MAGEA11: variants seen among roughly 807,000 people sequenced by gnomAD.
The protein encoded by MAGEA11 is melanoma-associated antigen 11.
Under a neutral mutation model 8.4 loss-of-function variants are expected in MAGEA11, and 1 was observed. The observed-to-expected ratio is 0.12, with a 90% CI of 0.04 to 0.57. MAGEA11 has a LOEUF of 0.57. Ranked by LOEUF, MAGEA11 falls within the 20% of genes least tolerant of loss-of-function variation. The pLI, the probability that MAGEA11 is intolerant of heterozygous loss-of-function variation, is 0.91. For missense variants in MAGEA11, 209 were observed against 317.3 expected (o/e 0.66, Z 2.59); for synonymous variants, 127 against 119.3 (o/e 1.06, Z -0.42).
At chrX:149,697,515 G>C (rs191610067) in intron 1 of MAGEA11, among the ~76,000 whole-genome samples, 1 of 110,598 alleles carries the variant, frequency 9.0e-6, no homozygotes, top group Non-Finnish European at 1.9e-5. Flanking sequence ...GCTGATGGAC[G>C]TCCTGCAGTC....
rs1318390923 is a variant in MAGEA11, at chrX:149,713,296, G to C, written c.96+41G>C. Reference sequence around the variant, plus strand: ...GGCCCTTGGAGTTCCAAGGCACGGTGGCCACATGTGGTGCATCCTCACTCT... The same window carrying C: ...GGCCCTTGGAGTTCCAAGGCACGGTCGCCACATGTGGTGCATCCTCACTCT... On this transcript the variant is annotated intron_variant, in intron 2 of 4. Transcript: ENST00000355220. 4.5e-6 allele frequency: 4 copies of C among 879,216 alleles called. No homozygotes were observed. In the Admixed American group the frequency reaches 7.8e-5, roughly 17 times the overall value. 72.5% of individuals were successfully genotyped at this position (879,216 alleles called of 1,213,427 possible).
intron 2 of MAGEA11, 68 bp downstream of exon 2, chrX:149,713,323 C>G (rs2090411609): frequency 5.7e-6 from 4 of 703,231 alleles, no homozygotes; most frequent in Non-Finnish European, 8.6e-6. Context: ...CCTCACTCTG[C>G]CTTTGGGGTG....
Position 149,716,259 on chromosome X carries a change from A to T in MAGEA11, c.773A>T (p.Asp258Val). 1 of 1,211,661 alleles carries T rather than the reference A, an allele frequency of 8.3e-7. No individual in the cohort carries two copies. The change falls in exon 5 of 5, where the codon GAC (aspartate) becomes GTC (valine). Residue 258 changes from aspartate to valine, a missense_variant. Asp to Val is a radical substitution (Grantham distance 152, BLOSUM62 -3). Coordinates refer to ENST00000355220, the MANE Select transcript of MAGEA11 (RefSeq NM_005366.5). ...GGGAGTGTCATCAAAAATTATGAGG[A>T]CTACTTTCCTGAGATATTTAGGGAA... ...MLGSVIKNYE[D>V]YFPEIFREAS...
chrX:149,716,396 T>C lies in MAGEA11; in HGVS notation c.910T>C (p.Cys304Arg), dbSNP rs1569561425. 1 of 1,211,530 alleles carries C rather than the reference T, an allele frequency of 8.3e-7. No individual in the cohort carries two copies. ...CAACCTCTCTTATGATGGCATACAG[T>C]GTAATGAGCAGAGCATGCCCAAGTC... The part of the protein sequence containing the change: ...SLNLSYDGIQ[C>R]NEQSMPKSGL... Residue 304 changes from cysteine (C) to arginine (R), a missense_variant, in exon 5 of 5, where the codon TGT becomes CGT. Coordinates refer to ENST00000355220, the MANE Select transcript of MAGEA11 (RefSeq NM_005366.5).
At chrX:149,688,657 C>T (rs947326398), upstream of MAGEA11, among the ~76,000 whole-genome samples, 85 of 98,824 alleles carry the variant, frequency 8.6e-4, no homozygotes, top group African/African-American at 3.1e-3. Flanking sequence ...TACATATACA[C>T]ATACATATAC....
intron 1 of MAGEA11, among the ~76,000 whole-genome samples, chrX:149,702,195 T>A (rs1255263690): frequency 8.9e-6 from 1 of 111,796 alleles, no homozygotes; most frequent in Non-Finnish European, 1.9e-5. Context: ...GTCTGGCTGG[T>A]TTATATTGTT....
At chrX:149,706,452 T>A (rs782473921) in intron 1 of MAGEA11, among the ~76,000 whole-genome samples, 2 of 112,045 alleles carry the variant, frequency 1.8e-5, no homozygotes, top group Non-Finnish European at 3.8e-5. Context: ...GTTTAATTAA[T>A]GTGTGGGCAT....
chrX:149,702,734 A>C (rs1557361123), intron 1 of MAGEA11, among the ~76,000 whole-genome samples: 8 of 111,257 alleles, frequency 7.2e-5, no homozygotes, highest in Admixed American at 6.7e-4. Context: ...TTTATATTAC[A>C]TATGTATTTT....
intron 1 of MAGEA11, among the ~76,000 whole-genome samples, chrX:149,705,363 C>T (rs1479074476): frequency 2.7e-5 from 3 of 111,761 alleles, no homozygotes; most frequent in African/African-American, 9.7e-5. Context: ...ATGAGAGTTG[C>T]CCTGCACAAG....
At chrX:149,713,114 G>A (rs371800864) in intron 1 of MAGEA11, 29 bp from the exon 2 acceptor site, 53 of 1,019,731 alleles carry the variant, frequency 5.2e-5, no homozygotes, top group Middle Eastern at 5.0e-4. Context: ...TAGTCCCGCC[G>A]TCTCAAACTG....
At chrX:149,696,820 C>T (rs782219927) in intron 1 of MAGEA11, among the ~76,000 whole-genome samples, 2 of 112,006 alleles carry the variant, frequency 1.8e-5, no homozygotes, top group East Asian at 5.6e-4. Context: ...TGGCTTCTGG[C>T]CCTAGCATTT....
At chrX:149,688,657 C>CAT (rs2090296800), upstream of MAGEA11, among the ~76,000 whole-genome samples, 96 of 98,824 alleles carry the variant, frequency 9.7e-4, no homozygotes, top group African/African-American at 3.4e-3. Flanking sequence ...TACATATACA[C>CAT]ATACATATAC....
At chrX:149,709,285 GA>G (rs782440028), upstream of MAGEA11, among the ~76,000 whole-genome samples, 4,683 of 79,302 alleles carry the variant, frequency 0.059, 349 homozygotes, top group Admixed American at 0.28. Flanking sequence ...ACTCTGTCTC[GA>G]AAAAAAAAAA....
At chrX:149,690,116 T>G (rs1395081813) in intron 1 of MAGEA11, among the ~76,000 whole-genome samples, 1 of 112,212 alleles carries the variant, frequency 8.9e-6, no homozygotes, top group Non-Finnish European at 1.9e-5. Context: ...TTCCTTCTTT[T>G]GAGAGTGTTC....
intron 1 of MAGEA11, among the ~76,000 whole-genome samples, chrX:149,696,366 C>T (rs1435050245): frequency 1.8e-5 from 2 of 109,664 alleles, no homozygotes; most frequent in Admixed American, 9.7e-5. Context: ...TGAAGCCCTG[C>T]CACATTAGGC....
chrX:149,713,260 G>T lies in MAGEA11; in HGVS notation c.96+5G>T, dbSNP rs782402135. 2.6e-6 allele frequency: 3 copies of T among 1,143,249 alleles called. No individual in the cohort carries two copies. The highest frequency in any genetic ancestry group is 3.8e-5 in the South Asian group (2 of 52,961). 94.2% of individuals were successfully genotyped at this position (1,143,249 alleles called of 1,213,427 possible). A position where few individuals can be genotyped will look rare whatever the true frequency, so the allele number is the denominator to read the frequency against. On this transcript the variant is annotated splice_donor_5th_base_variant and intron_variant, in intron 2 of 4. Coordinates refer to ENST00000355220, the MANE Select transcript of MAGEA11 (RefSeq NM_005366.5). ...TCAGGAGACTTTGGACTCCAGGTCA[G>T]TAGGGACCTTGGCCCTTGGAGTTCC...
chrX:149,705,106 G>A (rs1188291115), intron 1 of MAGEA11, among the ~76,000 whole-genome samples: 2 of 112,562 alleles, frequency 1.8e-5, no homozygotes, highest in Non-Finnish European at 3.8e-5. Flanking sequence ...AGGATAAAAG[G>A]AGACCCAGGA....
At position 149,713,208 on chromosome X, in the gene MAGEA11, A is replaced by T. The variant is rs868970468; in HGVS notation, c.49A>T (p.Ile17Phe). 6 of 1,207,742 alleles carry T rather than the reference A, an allele frequency of 5.0e-6. No homozygotes were observed. The Middle Eastern group carries it at 1.4e-3, about 279-fold the overall frequency. ...RGGLGCSPAS[I>F]KRKKKREDSG... The stretch of plus-strand genomic sequence containing the variant: ...GGGTCTGGGGTGCAGCCCTGCCAGC[A>T]TCAAGAGGAAGAAGAAGAGGGAGGA... Residue 17 changes from isoleucine to phenylalanine, a missense_variant, in exon 2 of 5, where the codon ATC becomes TTC. By Grantham distance (21) the Ile-to-Phe change is conservative. This residue lies in a region of MAGEA11 where 131 missense variants were observed against 138.5 expected (regional missense o/e 0.95). Coordinates refer to ENST00000355220, the MANE Select transcript of MAGEA11 (RefSeq NM_005366.5).
intron 3 of MAGEA11, 67 bp from the exon 4 acceptor site, chrX:149,715,537 C>G (rs1441038299): frequency 1.3e-6 from 1 of 798,771 alleles, no homozygotes. Flanking sequence ...TGCCCTACCT[C>G]AGTCCTGGAG....
Sources: allele counts gnomAD v4.1 joint callset (sites outside exome capture counted in the v4.1 genomes callset), GRCh38; gene constraint gnomAD v4.1.1; regional missense constraint gnomAD v4.1.1; transcripts MANE v1.5; gene names NCBI Gene and HGNC (gene_info 2026-07-23, HGNC 2026-07-21).